Variants in MAP2 observed in about 807,000 individuals in gnomAD.
The protein encoded by MAP2 is microtubule-associated protein 2.
A neutral mutation model predicts 137.6 loss-of-function variants in MAP2; 14 were observed. The observed-to-expected ratio is 0.10, with a 90% confidence interval of 0.07 to 0.16. The LOEUF is 0.16. Among genes scored for constraint, MAP2 ranks in the 10% least tolerant of loss-of-function variants. MAP2 has a pLI of 1.00. For synonymous variants in MAP2, 786 were observed against 782.3 expected, an observed-to-expected ratio of 1.00 and a Z score of -0.08; for missense variants, 2,088 against 2,191.5, an observed-to-expected ratio of 0.95 and a Z score of 0.94.
At position 209,709,659 on chromosome 2, in the gene MAP2, G is replaced by A. The variant is rs147281373; in HGVS notation, c.4733-255G>A. On this transcript the variant is annotated intron_variant, in intron 12 of 15. Transcript: ENST00000682079. ...TTGACACATTCATAATGAAAATTAC[G>A]GAGAACAAATCAGAAAAAAAAAATC... Among the ~76,000 whole-genome samples, 944 of 151,940 alleles carry A rather than the reference G, an allele frequency of 6.2e-3. 11 individuals are homozygous for A. The highest frequency in any genetic ancestry group is 7.6e-3 in the Non-Finnish European group (515 of 67,958).
At chr2:209,720,775 A>G (rs530922897) in intron 13 of MAP2, among the ~76,000 whole-genome samples, 1 of 152,044 alleles carries the variant, frequency 6.6e-6, no homozygotes, top group Non-Finnish European at 1.5e-5. Flanking sequence ...TTCGTTAAAT[A>G]GTAGTTATTT....
At chr2:209,642,299 T>C (rs901688995) in intron 4 of MAP2, among the ~76,000 whole-genome samples, 3 of 151,890 alleles carry the variant, frequency 2.0e-5, no homozygotes, top group East Asian at 3.9e-4. Flanking sequence ...CTGGCTATAG[T>C]GATGTGCACT....
chr2:209,662,953 G>GAT (rs35579471), intron 5 of MAP2, among the ~76,000 whole-genome samples: 28,699 of 150,676 alleles, frequency 0.19, 3,854 homozygotes, highest in African/African-American at 0.38. Flanking sequence ...TTAAGTGTGA[G>GAT]ATATATATAT....
Position 209,693,388 on chromosome 2 carries a change from A to G in MAP2, c.1218A>G (p.Lys406=), listed in dbSNP as rs920473360. The change falls in exon 8 of 16, where the codon AAA becomes AAG. Residue 406 remains lysine, a synonymous_variant. Coordinates refer to ENST00000682079, the MANE Select transcript of MAP2 (RefSeq NM_001375505.1). The part of the protein sequence containing the change: ...IPVVEEHVMG[K]VLEEEKEAIN... ...TTGTAGAAGAACATGTTATGGGGAAAGTTTTAGAGGAAGAAAAGGAGGCCA... is the reference window on the plus strand; with the variant it reads ...TTGTAGAAGAACATGTTATGGGGAAGGTTTTAGAGGAAGAAAAGGAGGCCA... 2 of 1,611,526 alleles carry G rather than the reference A, an allele frequency of 1.2e-6. No individual in the cohort carries two copies. Among genetic ancestry groups the G allele is most frequent in the Non-Finnish European group, 1.7e-6 (2 of 1,179,454 alleles).
chr2:209,441,114 G>C (rs528344076), intron 1 of MAP2, among the ~76,000 whole-genome samples: 1 of 151,520 alleles, frequency 6.6e-6, no homozygotes, highest in South Asian at 2.1e-4. Context: ...CAAGTAATCA[G>C]AGCTGTTGGA....
chr2:209,618,434 A>C (rs927706187), intron 3 of MAP2, among the ~76,000 whole-genome samples: 2 of 152,180 alleles, frequency 1.3e-5, no homozygotes, highest in African/African-American at 2.4e-5. Context: ...TTTGACCATG[A>C]GTGCTACTAA....
At chr2:209,595,402 A>G (rs2080974186) in intron 3 of MAP2, among the ~76,000 whole-genome samples, 1 of 152,224 alleles carries the variant, frequency 6.6e-6, no homozygotes, top group Non-Finnish European at 1.5e-5. Flanking sequence ...CACCCAGTAA[A>G]AGGAGATACT....
At chr2:209,578,499 T>A (rs982632516) in intron 2 of MAP2, among the ~76,000 whole-genome samples, 2 of 147,960 alleles carry the variant, frequency 1.4e-5, no homozygotes, top group African/African-American at 5.3e-5. Flanking sequence ...GCCATCATAT[T>A]TTTTTTTTCT....
intron 2 of MAP2, among the ~76,000 whole-genome samples, chr2:209,557,744 G>A (rs56164239): frequency 0.21 from 32,068 of 152,102 alleles, 4,836 homozygotes; most frequent in African/African-American, 0.43. Flanking sequence ...AAGTGATGCA[G>A]GGAGGAAAGA....
chr2:209,589,146 C>T (rs1034127827), intron 3 of MAP2, among the ~76,000 whole-genome samples: 2 of 152,018 alleles, frequency 1.3e-5, no homozygotes, highest in African/African-American at 2.4e-5. Context: ...AGTTAAGAAG[C>T]TGCATTTAGA....
chr2:209,622,199 T>C (rs1310910744), intron 3 of MAP2, among the ~76,000 whole-genome samples: 1 of 152,186 alleles, frequency 6.6e-6, no homozygotes, highest in Non-Finnish European at 1.5e-5. Context: ...TATACTACAA[T>C]TTGTTCAAGA....
At chr2:209,550,911 G>A (rs898616101) in intron 2 of MAP2, among the ~76,000 whole-genome samples, 1 of 151,986 alleles carries the variant, frequency 6.6e-6, no homozygotes, top group Non-Finnish European at 1.5e-5. Context: ...AACTTGCATC[G>A]GGAATTTTAA....
At chr2:209,639,984 G>T (rs892298510) in intron 4 of MAP2, among the ~76,000 whole-genome samples, 1 of 151,972 alleles carries the variant, frequency 6.6e-6, no homozygotes, top group Admixed American at 6.6e-5. Flanking sequence ...GCTCATTTTG[G>T]TATCTTTCTA....
intron 4 of MAP2, among the ~76,000 whole-genome samples, chr2:209,631,817 C>T (rs2093084697): frequency 1.3e-5 from 2 of 151,946 alleles, no homozygotes; most frequent in South Asian, 4.2e-4. Flanking sequence ...ATGAGAAATC[C>T]AAGTAAGGGA....
At chr2:209,663,211 C>T (rs1355545850) in intron 5 of MAP2, among the ~76,000 whole-genome samples, 1 of 152,038 alleles carries the variant, frequency 6.6e-6, no homozygotes, top group Non-Finnish European at 1.5e-5. Context: ...CCTCTCATTC[C>T]CTCACACTTC....
At chr2:209,432,829 C>G (rs907462259) in intron 1 of MAP2, among the ~76,000 whole-genome samples, 1 of 152,122 alleles carries the variant, frequency 6.6e-6, no homozygotes, top group African/African-American at 2.4e-5. Flanking sequence ...TATCAAGAGT[C>G]AACACATATA....
In MAP2 at chr2:209,693,260, G is replaced by T. The variant is rs1559575357; in HGVS notation, c.1090G>T (p.Asp364Tyr). 1.2e-6 allele frequency: 2 copies of T among 1,614,036 alleles called. No homozygotes were observed. Among genetic ancestry groups the T allele is most frequent in the Non-Finnish European group, 1.7e-6 (2 of 1,179,988 alleles). ...QQTSGPATAKDSFKIEEPHEA... is the reference protein window; with the variant it reads ...QQTSGPATAKYSFKIEEPHEA... ...AACCAGTGGCCCAGCTACTGCCAAA[G>T]ATAGTTTTAAAATTGAAGAGCCCCA... is the stretch of plus-strand genomic sequence containing the variant. Residue 364 changes from aspartate to tyrosine, a missense_variant, in exon 8 of 16, where the codon GAT becomes TAT. Asp to Tyr is a radical substitution (Grantham distance 160). Around this residue, in one of 6 missense-constraint regions of MAP2, gnomAD observed 859 missense variants for 794.5 expected, o/e 1.08. Coordinates refer to ENST00000682079, the MANE Select transcript of MAP2 (RefSeq NM_001375505.1).
chr2:209,601,562 A>G (rs1401780207), intron 3 of MAP2, among the ~76,000 whole-genome samples: 1 of 152,196 alleles, frequency 6.6e-6, no homozygotes, highest in Non-Finnish European at 1.5e-5. Context: ...TGAGCTTGCA[A>G]ATCAATAGGC....
At chr2:209,536,988 A>T in intron 2 of MAP2, among the ~76,000 whole-genome samples, 1 of 151,752 alleles carries the variant, frequency 6.6e-6, no homozygotes, top group African/African-American at 2.4e-5. Flanking sequence ...GTTTTATAGG[A>T]TTTTTTTCTA....
Sources: allele counts gnomAD v4.1 joint callset (sites outside exome capture counted in the v4.1 genomes callset), GRCh38; gene constraint gnomAD v4.1.1; regional missense constraint gnomAD v4.1.1; transcripts MANE v1.5; gene names NCBI Gene and HGNC (gene_info 2026-07-23, HGNC 2026-07-21).